The following CIB1 variants were observed in gnomAD, a reference collection of about 807,000 sequenced individuals.
The protein encoded by CIB1 is calcium and integrin-binding protein 1.
Under a neutral mutation model 25.0 loss-of-function variants are expected in CIB1, and 19 were observed. The ratio of observed to expected loss-of-function variants is 0.76; its 90% CI spans 0.53 to 1.12. The LOEUF is 1.12. CIB1 is among the 50% of genes most tolerant of loss of function. The pLI, the probability that CIB1 is intolerant of heterozygous loss-of-function variation, is 0.00. For synonymous variants in CIB1, 104 were observed against 98.5 expected, an observed-to-expected ratio of 1.06 and a Z score of -0.33; for missense variants, 236 against 242.6, an observed-to-expected ratio of 0.97 and a Z score of 0.18.
chr15:90,265,317 G>C, the CIB1 span: 1 of 1,209,128 alleles, frequency 8.3e-7, no homozygotes, highest in Non-Finnish European at 1.0e-6. Flanking sequence ...TCCCAGAGAA[G>C]CCGAGTGCCC....
the CIB1 span, chr15:90,258,160 A>G: frequency 1.2e-5 from 19 of 1,612,500 alleles, no homozygotes; most frequent in Non-Finnish European, 8.5e-7. Flanking sequence ...CTACGCCACA[A>G]CTACCGAACC....
At chr15:90,249,819 T>A in the CIB1 span, 1 of 152,196 alleles carries the variant, frequency 6.6e-6, no homozygotes, top group Admixed American at 6.6e-5. Context: ...GTGGGCAGTC[T>A]CCACCGTCAC....
chr15:90,233,622 C>G (rs1465067538), intron 2 of CIB1, 47 bp downstream of exon 2: 11 of 1,556,132 alleles, frequency 7.1e-6, no homozygotes, highest in South Asian at 4.7e-5. Context: ...CCGAAGCTGT[C>G]TCTAGAGGAT....
the CIB1 span, among the ~76,000 whole-genome samples, chr15:90,249,236 AAGG>A: frequency 7.0e-6 from 1 of 142,024 alleles, no homozygotes; most frequent in South Asian, 2.3e-4. Flanking sequence ...AAAAAAAAAA[AAGG>A]GAGAATTGAG....
rs952996095 is a variant in CIB1 at position 90,230,473 on chromosome 15, T to G, written c.*11A>C. The G allele has an allele frequency of 3.2e-6, 5 of 1,551,528 alleles. No individual in the cohort carries two copies. The highest frequency in any genetic ancestry group is 2.0e-5 in the Admixed American group (1 of 50,976). On this transcript the variant is annotated 3_prime_UTR_variant, in exon 7 of 7. Coordinates refer to ENST00000328649, the MANE Select transcript of CIB1 (RefSeq NM_006384.4). ...TTGGACAGGGTGCCAGGACACACGC[T>G]GGGGCTGCTGTCACAGGACAATCTT...
rs141456665 is a variant in CIB1, at chr15:90,231,143, G to A, written c.417C>T (p.Gly139=). 1.2e-5 allele frequency: 20 copies of A among 1,614,014 alleles called. No homozygotes were observed. Among genetic ancestry groups the A allele is most frequent in the African/African-American group, 4.0e-5 (3 of 74,906 alleles). The change falls in exon 5 of 7, where the codon GGC becomes GGT. Residue 139 remains glycine, a synonymous_variant. Transcript: ENST00000328649. ...CAGACGCACTAAGCCGTGTGTCCTCGCCCTCTCCCGTGAGGCAGTTCACCA... is the reference window on the plus strand; with the variant it reads ...CAGACGCACTAAGCCGTGTGTCCTCACCCTCTCCCGTGAGGCAGTTCACCA... ...SRLVNCLTGE[G]EDTRLSASEM...
chr15:90,256,551 TTC>T, the CIB1 span, among the ~76,000 whole-genome samples: 79 of 25,206 alleles, frequency 3.1e-3, 4 homozygotes, highest in African/African-American at 0.013. Flanking sequence ...TCCTTTTTCT[TTC>T]TTTCTTTCTT....
the CIB1 span, chr15:90,240,949 T>C: frequency 6.2e-7 from 1 of 1,614,094 alleles, no homozygotes; most frequent in Non-Finnish European, 8.5e-7. Flanking sequence ...TCCTATTTGC[T>C]GCCTCCCAAC....
the CIB1 span, chr15:90,244,131 A>C: frequency 6.6e-6 from 1 of 152,180 alleles, no homozygotes; most frequent in Non-Finnish European, 1.5e-5. Flanking sequence ...AGGCAGCTGG[A>C]GTCGGGACTG....
Position 90,230,398 on chromosome 15 carries a change from A to G in CIB1, c.*86T>C. ...TCCAGGCTGGGCCAGCTTGGCCCGCACTGGCAACACAGGCTTGACCTTGGC... is the reference window on the plus strand; with the variant it reads ...TCCAGGCTGGGCCAGCTTGGCCCGCGCTGGCAACACAGGCTTGACCTTGGC... On this transcript the variant is annotated 3_prime_UTR_variant, in exon 7 of 7. Coordinates refer to ENST00000328649, the MANE Select transcript of CIB1 (RefSeq NM_006384.4). 6.7e-7 allele frequency: 1 copy of G among 1,497,032 alleles called. No individual in the cohort carries two copies. The allele number at this position is 1,497,032 out of a possible 1,614,324, so 92.7% of individuals were successfully genotyped here. A position where few individuals can be genotyped will look rare whatever the true frequency, so the allele number is the denominator to read the frequency against.
At chr15:90,259,352 T>C in the CIB1 span, among the ~76,000 whole-genome samples, 1 of 151,762 alleles carries the variant, frequency 6.6e-6, no homozygotes, top group Non-Finnish European at 1.5e-5. Context: ...TTTGCACCAC[T>C]GCACTCCAGC....
At chr15:90,262,863 GA>G in the CIB1 span, 1 of 1,334,612 alleles carries the variant, frequency 7.5e-7, no homozygotes, top group East Asian at 2.5e-5. Context: ...CTGGGTCAGG[GA>G]AGGGATGAGG....
chr15:90,251,707 G>A, the CIB1 span: 1 of 1,214,718 alleles, frequency 8.2e-7, no homozygotes. Context: ...GGCCTGGCGG[G>A]CTTGCCTCTA....
At chr15:90,258,453 G>A in the CIB1 span, 1 of 650,926 alleles carries the variant, frequency 1.5e-6, no homozygotes, top group Non-Finnish European at 2.6e-6. Context: ...TCAAATCTTG[G>A]TGGTTTTTGG....
chr15:90,265,082 C>T, the CIB1 span: 9 of 1,347,338 alleles, frequency 6.7e-6, no homozygotes, highest in Non-Finnish European at 8.9e-6. Context: ...AAGCCCTGCC[C>T]AGGAACCCCA....
At chr15:90,241,371 G>T in the CIB1 span, 12 of 1,614,136 alleles carry the variant, frequency 7.4e-6, no homozygotes, top group Non-Finnish European at 1.0e-5. Context: ...AGACATCCTG[G>T]TGGTGATCAA....
At chr15:90,254,265 C>A in the CIB1 span, among the ~76,000 whole-genome samples, 2 of 149,734 alleles carry the variant, frequency 1.3e-5, no homozygotes. Context: ...GAGGCCGAGG[C>A]GGGCGGATCA....
At position 90,233,866 on chromosome 15, in the gene CIB1, C is replaced by A; in HGVS notation, c.20G>T (p.Arg7Leu). 6.7e-7 allele frequency: 1 copy of A among 1,502,134 alleles called. No individual in the cohort carries two copies. The highest frequency in any genetic ancestry group is 8.9e-7 in the Non-Finnish European group (1 of 1,126,704). The allele number at this position is 1,502,134 out of a possible 1,614,324, so 93.1% of individuals were successfully genotyped here. The part of the protein sequence containing the change: MGGSGS[R>L]LSKELLAEYQ... ...CTCGGCCAGCAGCTCCTTGGACAGG[C>A]GACTGCCCGAGCCCCCCATCGCCCC... The change falls in exon 1 of 7, where the codon CGC becomes CTC. Residue 7 changes from arginine to leucine, a missense_variant. Transcript: ENST00000328649.
upstream of CIB1, among the ~76,000 whole-genome samples, chr15:90,235,225 T>A (rs62022286): frequency 0.013 from 2,016 of 152,310 alleles, 25 homozygotes; most frequent in Admixed American, 0.026. Context: ...CTTGGCAGCA[T>A]GTGTTTGATA....
Sources: allele counts gnomAD v4.1 joint callset (sites outside exome capture counted in the v4.1 genomes callset), GRCh38; gene constraint gnomAD v4.1.1; transcripts MANE v1.5; gene names NCBI Gene and HGNC (gene_info 2026-07-23, HGNC 2026-07-21).